The following BMP2K variants were observed in gnomAD, a reference collection of about 807,000 sequenced individuals.
BMP2K encodes the protein BMP-2-inducible protein kinase.
In BMP2K, 74 loss-of-function variants were observed where a neutral mutation model predicts 116.0. The observed-to-expected ratio is 0.64, with a 90% CI of 0.53 to 0.77. The LOEUF (loss-of-function observed/expected upper bound fraction) is 0.77, where lower values mean the gene tolerates loss of function less well. BMP2K is among the 30% of genes least tolerant of loss of function. The pLI is 0.00. For missense variants in BMP2K, 1,365 were observed against 1,403.6 expected (o/e 0.97, Z 0.44); for synonymous variants, 486 against 502.5 (o/e 0.97, Z 0.44).
At chr4:78,793,279 G>A (rs1426981880) in intron 1 of BMP2K, among the ~76,000 whole-genome samples, 2 of 151,354 alleles carry the variant, frequency 1.3e-5, no homozygotes, top group East Asian at 1.9e-4. Flanking sequence ...GCATAGTGGC[G>A]GGCGCCTGTA....
chr4:78,881,996 A>C (rs1400184057), intron 14 of BMP2K, among the ~76,000 whole-genome samples: 2 of 152,080 alleles, frequency 1.3e-5, no homozygotes, highest in African/African-American at 4.8e-5. Context: ...CTTTCCAGTG[A>C]GAAACTGAAA....
intron 10 of BMP2K, among the ~76,000 whole-genome samples, chr4:78,867,358 A>G (rs1732106412): frequency 1.3e-5 from 2 of 151,996 alleles, no homozygotes; most frequent in South Asian, 4.1e-4. Context: ...GAGTGGTCTT[A>G]TTTTGATCCA....
At chr4:78,821,453 T>C (rs1729613527) in intron 1 of BMP2K, among the ~76,000 whole-genome samples, 1 of 152,106 alleles carries the variant, frequency 6.6e-6, no homozygotes, top group African/African-American at 2.4e-5. Context: ...AGCTGAACAG[T>C]GGTCTTGAGT....
intron 1 of BMP2K, among the ~76,000 whole-genome samples, chr4:78,779,007 T>C (rs1727379338): frequency 1.3e-5 from 2 of 152,226 alleles, no homozygotes; most frequent in South Asian, 4.1e-4. Flanking sequence ...CTGAAGTGTT[T>C]TTGCCATGCT....
intron 15 of BMP2K, among the ~76,000 whole-genome samples, chr4:78,899,680 T>G (rs1333628511): frequency 4.6e-5 from 7 of 151,950 alleles, no homozygotes; most frequent in Non-Finnish European, 1.0e-4. Context: ...CCCAAAGGAT[T>G]GAGCATATCT....
chr4:78,873,899 G>A (rs1276950321), intron 13 of BMP2K, among the ~76,000 whole-genome samples: 1 of 152,158 alleles, frequency 6.6e-6, no homozygotes, highest in African/African-American at 2.4e-5. Context: ...TCCAGATCAG[G>A]CAGGGTGCGG....
Position 78,910,824 on chromosome 4 carries a change from AGAT to A in BMP2K, c.2283_2285del (p.Asp761del). ...CTAAGAGCAGTGAAGAGGAAGAGCA[AGAT>A]GATGAAGAAGTTCTTCAGGGGGAAC... On this transcript the variant is annotated inframe_deletion, in exon 16 of 16. Transcript: ENST00000502613. 1 of 1,613,956 alleles carries A rather than the reference AGAT, an allele frequency of 6.2e-7. No individual in the cohort carries two copies. The highest frequency in any genetic ancestry group is 8.5e-7 in the Non-Finnish European group (1 of 1,179,858).
In BMP2K at chr4:78,914,628, C is replaced by T. The variant is rs931267768; in HGVS notation, c.*2595C>T. On this transcript the variant is annotated 3_prime_UTR_variant, in exon 16 of 16. Transcript: ENST00000502613. Reference sequence around the variant, plus strand: ...AGTGCTTAACACAGTACCTGGCACACAGCACTCAATAAAAGTTTGGCTCTA... The same window carrying T: ...AGTGCTTAACACAGTACCTGGCACATAGCACTCAATAAAAGTTTGGCTCTA... 4 of 151,776 alleles carry T rather than the reference C, an allele frequency of 2.6e-5. No homozygotes were observed. The highest frequency in any genetic ancestry group is 9.7e-5 in the African/African-American group (4 of 41,340). The allele number at this position is 151,776 out of a possible 1,614,324, so 9.4% of individuals were successfully genotyped here.
chr4:78,903,633 T>A (rs576157795), intron 15 of BMP2K, among the ~76,000 whole-genome samples: 45 of 152,120 alleles, frequency 3.0e-4, no homozygotes, highest in African/African-American at 1.0e-3. Flanking sequence ...TAAAGTTGAG[T>A]ATTCTTTTGT....
At chr4:78,832,174 A>C (rs907457874) in intron 2 of BMP2K, among the ~76,000 whole-genome samples, 2 of 151,908 alleles carry the variant, frequency 1.3e-5, no homozygotes, top group South Asian at 4.1e-4. Flanking sequence ...GCATGCATCT[A>C]TTTGCTTGAG....
intron 15 of BMP2K, among the ~76,000 whole-genome samples, chr4:78,890,495 AT>A (rs1733377388): frequency 6.6e-6 from 1 of 151,974 alleles, no homozygotes; most frequent in African/African-American, 2.4e-5. Flanking sequence ...CAGTGTCTAC[AT>A]TTTTTTAATA....
At chr4:78,835,583 C>T (rs990881590) in intron 3 of BMP2K, among the ~76,000 whole-genome samples, 1 of 147,148 alleles carries the variant, frequency 6.8e-6, no homozygotes, top group African/African-American at 2.5e-5. Context: ...GAGCCGAGAT[C>T]GCGCCACTGC....
At chr4:78,871,319 A>C (rs1489207456) in intron 11 of BMP2K, among the ~76,000 whole-genome samples, 2 of 152,256 alleles carry the variant, frequency 1.3e-5, no homozygotes. Context: ...ACAAATAAGC[A>C]CTGCAGTTTA....
intron 6 of BMP2K, among the ~76,000 whole-genome samples, chr4:78,848,919 C>G (rs1410882194): frequency 6.6e-6 from 1 of 151,158 alleles, no homozygotes; most frequent in African/African-American, 2.4e-5. Context: ...AGGTGAAACA[C>G]AAGTTTGCTA....
intron 15 of BMP2K, chr4:78,899,225 A>G (rs987263860): frequency 6.6e-6 from 1 of 152,228 alleles, no homozygotes; most frequent in East Asian, 1.9e-4. Flanking sequence ...GGGGCAGAAT[A>G]TATAGGATTT....
At chr4:78,900,085 A>G (rs1231881124) in intron 15 of BMP2K, among the ~76,000 whole-genome samples, 1 of 152,188 alleles carries the variant, frequency 6.6e-6, no homozygotes, top group Admixed American at 6.5e-5. Flanking sequence ...TTGTGTCTAA[A>G]TGCCTACAGC....
At position 78,776,484 on chromosome 4, in the gene BMP2K, C is replaced by T. The variant is rs1339242053; in HGVS notation, c.-60C>T. 3 of 1,113,622 alleles carry T rather than the reference C, an allele frequency of 2.7e-6. No individual in the cohort carries two copies. Among genetic ancestry groups the T allele is most frequent in the African/African-American group, 1.7e-5 (1 of 60,114 alleles). 69.0% of individuals were successfully genotyped at this position (1,113,622 alleles called of 1,614,324 possible). The stretch of plus-strand genomic sequence containing the variant: ...GACCCCTCGCGGACGCCCGGCTGCG[C>T]GCCGGGCCGGGGACTTGCCCTTGCA... On this transcript the variant is annotated 5_prime_UTR_variant, in exon 1 of 16. Transcript: ENST00000502613.
intron 14 of BMP2K, among the ~76,000 whole-genome samples, chr4:78,886,431 A>G (rs1715135365): frequency 6.6e-6 from 1 of 152,128 alleles, no homozygotes; most frequent in Non-Finnish European, 1.5e-5. Flanking sequence ...TTAATACACC[A>G]TATACATTTC....
In BMP2K at chr4:78,913,851, G is replaced by T. The variant is rs1278022554; in HGVS notation, c.*1818G>T. On this transcript the variant is annotated 3_prime_UTR_variant, in exon 16 of 16. Transcript: ENST00000502613. ...AAGCATTACATTATTATTTAGAGCTGGACTGCACCAATTACTTGTCCTCGT... is the reference window on the plus strand; with the variant it reads ...AAGCATTACATTATTATTTAGAGCTTGACTGCACCAATTACTTGTCCTCGT... 1 of 151,512 alleles carries T rather than the reference G, an allele frequency of 6.6e-6. No individual in the cohort carries two copies. Among genetic ancestry groups the T allele is most frequent in the Admixed American group, 6.6e-5 (1 of 15,206 alleles). The allele number at this position is 151,512 out of a possible 1,614,324, so 9.4% of individuals were successfully genotyped here. A position where few individuals can be genotyped will look rare whatever the true frequency, so the allele number is the denominator to read the frequency against.
Sources: allele counts gnomAD v4.1 joint callset (sites outside exome capture counted in the v4.1 genomes callset), GRCh38; gene constraint gnomAD v4.1.1; transcripts MANE v1.5; gene names NCBI Gene and HGNC (gene_info 2026-07-23, HGNC 2026-07-21).